The following CSGALNACT1 variants were observed in gnomAD, a reference collection of about 807,000 sequenced individuals.
CSGALNACT1 encodes the protein chondroitin sulfate N-acetylgalactosaminyltransferase 1, also known as beta4GalNAcT-1.
Under a neutral mutation model 51.0 loss-of-function variants are expected in CSGALNACT1, and 52 were observed. The ratio of observed to expected loss-of-function variants is 1.02; its 90% CI spans 0.82 to 1.29. CSGALNACT1 has a LOEUF of 1.29. Ranked by LOEUF, CSGALNACT1 falls within the 50% of genes most tolerant of loss-of-function variation. The pLI is 0.00. For missense variants in CSGALNACT1, 935 were observed against 679.2 expected, an observed-to-expected ratio of 1.38 and a Z score of -4.19; for synonymous variants, 341 against 254.4, an observed-to-expected ratio of 1.34 and a Z score of -3.24.
chr8:19,668,170 T>C (rs1447101769), intron 1 of CSGALNACT1, among the ~76,000 whole-genome samples: 1 of 152,168 alleles, frequency 6.6e-6, no homozygotes, highest in Non-Finnish European at 1.5e-5. Context: ...TGTTCAAAAA[T>C]GCAAAAAAGG....
rs146465838 is a variant in CSGALNACT1, at chr8:19,618,753, G to C, written c.-543-16888C>G. Among the ~76,000 whole-genome samples, 823 of 152,138 alleles carry C rather than the reference G, an allele frequency of 5.4e-3. 8 individuals are homozygous for C. The highest frequency in any genetic ancestry group is 0.019 in the African/African-American group (794 of 41,504). ...TGTCCTAGAAACCACAGTTCAGACG[G>C]GGGACATGACTCTCCCAAGGCCGGG... On this transcript the variant is annotated intron_variant, in intron 1 of 9. Transcript: ENST00000332246.
intron 6 of CSGALNACT1, among the ~76,000 whole-genome samples, chr8:19,435,491 C>CAAAAAAAAAA (rs35102795): frequency 7.2e-6 from 1 of 138,346 alleles, no homozygotes. Context: ...GACTCTGAAT[C>CAAAAAAAAAA]AAAAAAAAAA....
chr8:19,580,456 T>G (rs2045317728), intron 3 of CSGALNACT1, among the ~76,000 whole-genome samples: 1 of 152,164 alleles, frequency 6.6e-6, no homozygotes, highest in Admixed American at 6.5e-5. Context: ...GGCTTATACC[T>G]TAGAAACAAA....
chr8:19,587,595 A>T (rs930835717), intron 3 of CSGALNACT1, among the ~76,000 whole-genome samples: 3 of 152,244 alleles, frequency 2.0e-5, no homozygotes, highest in Middle Eastern at 3.2e-3. Flanking sequence ...TAAGGTTACC[A>T]GACATTTTCA....
chr8:19,592,079 T>C (rs1185620757), intron 2 of CSGALNACT1, among the ~76,000 whole-genome samples: 1 of 152,134 alleles, frequency 6.6e-6, no homozygotes, highest in Non-Finnish European at 1.5e-5. Flanking sequence ...AAAAAGATTG[T>C]GTACTTCAAA....
chr8:19,466,555 C>A (rs1180911036), intron 4 of CSGALNACT1, among the ~76,000 whole-genome samples: 1 of 152,160 alleles, frequency 6.6e-6, no homozygotes, highest in African/African-American at 2.4e-5. Flanking sequence ...CCAGAAAATT[C>A]TGCTCAGATG....
At position 19,436,953 on chromosome 8, in the gene CSGALNACT1, A is replaced by G. The variant is rs10481442; in HGVS notation, c.953+2877T>C. Reference sequence around the variant, plus strand: ...ATTACTATGTGCACAAATTTACTATATACCTGGCATTATTTTTCTCTTGAT... The same window carrying G: ...ATTACTATGTGCACAAATTTACTATGTACCTGGCATTATTTTTCTCTTGAT... On this transcript the variant is annotated intron_variant, in intron 6 of 9. Coordinates refer to ENST00000454498, the Ensembl canonical transcript of CSGALNACT1. Among the ~76,000 whole-genome samples, 938 of 152,262 alleles carry G rather than the reference A, an allele frequency of 6.2e-3. 9 individuals are homozygous for G. The highest frequency in any genetic ancestry group is 0.021 in the African/African-American group (890 of 41,544).
intron 1 of CSGALNACT1, among the ~76,000 whole-genome samples, chr8:19,741,733 C>T (rs2064333552): frequency 6.6e-6 from 1 of 152,148 alleles, no homozygotes; most frequent in Admixed American, 6.5e-5. Flanking sequence ...TAATTATGAT[C>T]TGGCTTCTTA....
chr8:19,734,632 C>A (rs1035609641), intron 1 of CSGALNACT1, among the ~76,000 whole-genome samples: 4 of 152,124 alleles, frequency 2.6e-5, no homozygotes, highest in African/African-American at 9.7e-5. Flanking sequence ...GAGAAGAATT[C>A]TGAAGTACTC....
At chr8:19,564,667 T>A (rs923395276) in intron 3 of CSGALNACT1, among the ~76,000 whole-genome samples, 2 of 152,194 alleles carry the variant, frequency 1.3e-5, no homozygotes, top group African/African-American at 4.8e-5. Flanking sequence ...TCAGAATTCA[T>A]CTTAAAATCA....
chr8:19,486,858 T>A (rs543728167), intron 4 of CSGALNACT1, among the ~76,000 whole-genome samples: 9 of 152,296 alleles, frequency 5.9e-5, no homozygotes, highest in African/African-American at 2.2e-4. Flanking sequence ...CAGTTTTCAC[T>A]CCTGGCTCCC....
At chr8:19,517,633 A>C (rs1162561553) in intron 3 of CSGALNACT1, among the ~76,000 whole-genome samples, 1 of 152,150 alleles carries the variant, frequency 6.6e-6, no homozygotes, top group Non-Finnish European at 1.5e-5. Flanking sequence ...GAGGCCTCAC[A>C]ATCATGGCAG....
intron 4 of CSGALNACT1, 75 bp from the exon 4 acceptor site, chr8:19,458,717 A>T: frequency 7.6e-7 from 1 of 1,317,034 alleles, no homozygotes; most frequent in South Asian, 1.2e-5. Context: ...ACCGAGATCT[A>T]GCACAGAATG....
intron 8 of CSGALNACT1, among the ~76,000 whole-genome samples, chr8:19,409,779 G>C (rs977964562): frequency 6.6e-6 from 1 of 152,168 alleles, no homozygotes; most frequent in African/African-American, 2.4e-5. Flanking sequence ...CGGTACATGA[G>C]AGGGGAGAAG....
chr8:19,726,592 T>C (rs750365865), intron 1 of CSGALNACT1, among the ~76,000 whole-genome samples: 17 of 152,142 alleles, frequency 1.1e-4, no homozygotes, highest in Non-Finnish European at 2.1e-4. Context: ...GTGAGAACAT[T>C]TAAGATCTAC....
chr8:19,643,319 T>C (rs1458585075), intron 1 of CSGALNACT1, among the ~76,000 whole-genome samples: 1 of 152,146 alleles, frequency 6.6e-6, no homozygotes, highest in Non-Finnish European at 1.5e-5. Context: ...GTAAGAAACA[T>C]ACTAGACTTC....
chr8:19,746,243 G>T (rs1001730584), intron 1 of CSGALNACT1, among the ~76,000 whole-genome samples: 1 of 152,118 alleles, frequency 6.6e-6, no homozygotes, highest in African/African-American at 2.4e-5. Context: ...CCTGGGGTCA[G>T]AATCCACTGT....
rs751103509 is a variant in CSGALNACT1 at position 19,408,564 on chromosome 8, C to A, written c.1309+49G>T. 6 of 1,348,222 alleles carry A rather than the reference C, an allele frequency of 4.5e-6. No homozygotes were observed. In the African/African-American group the frequency reaches 7.7e-5, roughly 17 times the overall value. The allele number at this position is 1,348,222 out of a possible 1,614,324, so 83.5% of individuals were successfully genotyped here. On this transcript the variant is annotated intron_variant, in intron 9 of 9. Transcript: ENST00000454498. ...CCCTACTTGATTCCTTCAAGGCCTA[C>A]ATGGGCCCGTGGCCTCTGGGTGGCA...
Position 19,541,148 on chromosome 8 carries a change from C to T in CSGALNACT1, c.-296-35018G>A, listed in dbSNP as rs1055313956. On this transcript the variant is annotated intron_variant, in intron 3 of 9. Transcript: ENST00000454498. ...AGGCTAGAATGCAGTGGCATGATCG[C>T]AGCTCACTGCAACCTTTGCCTCCCA... 3.3e-5 allele frequency among the ~76,000 whole-genome samples: 5 copies of T among 151,990 alleles called. No homozygotes were observed. The South Asian group carries it at 6.2e-4, about 19-fold the overall frequency.
Sources: gnomAD v4.1 joint callset for allele counts (sites outside exome capture counted in the v4.1 genomes callset) on GRCh38, gnomAD v4.1.1 for gene constraint, MANE v1.5 for transcripts, NCBI Gene and HGNC (gene_info 2026-07-23, HGNC 2026-07-21) for gene names.